The following NUCKS1 variants were observed in gnomAD, a reference collection of about 807,000 sequenced individuals.
NUCKS1 encodes nuclear casein kinase and cyclin dependent kinase substrate 1, also known as nuclear ubiquitous casein and cyclin-dependent kinase substrate 1.
A neutral mutation model predicts 33.0 loss-of-function variants in NUCKS1; 2 were observed. The ratio of observed to expected loss-of-function variants is 0.06; its 90% CI spans 0.02 to 0.19. The LOEUF is 0.19. Ranked by LOEUF, NUCKS1 falls within the 10% of genes least tolerant of loss-of-function variation. NUCKS1 has a pLI of 1.00. For synonymous variants in NUCKS1, 106 were observed against 102.8 expected (o/e 1.03, Z -0.19); for missense variants, 201 against 293.6 (o/e 0.68, Z 2.31).
At position 205,717,876 on chromosome 1, in the gene NUCKS1, A is replaced by AT. The variant is rs1168300132; in HGVS notation, c.*403dup. Reference sequence around the variant, plus strand: ...TTTTTTGATTACTATTCAACTTGCTATTTTTTAGCAAAAAGCGAAGTTTCA... The same window carrying AT: ...TTTTTTGATTACTATTCAACTTGCTATTTTTTTAGCAAAAAGCGAAGTTTCA... On this transcript the variant is annotated 3_prime_UTR_variant, in exon 7 of 7. Coordinates refer to ENST00000367142, the MANE Select transcript of NUCKS1 (RefSeq NM_022731.5). 6.1e-6 allele frequency: 6 copies of AT among 987,276 alleles called. No individual in the cohort carries two copies. Among genetic ancestry groups the AT allele is most frequent in the Admixed American group, 6.1e-5 (1 of 16,344 alleles). The allele number at this position is 987,276 out of a possible 1,614,324, so 61.2% of individuals were successfully genotyped here. A position where few individuals can be genotyped will look rare whatever the true frequency, so the allele number is the denominator to read the frequency against.
intron 4 of NUCKS1, among the ~76,000 whole-genome samples, chr1:205,722,379 C>A (rs1671935621): frequency 6.6e-6 from 1 of 152,216 alleles, no homozygotes; most frequent in South Asian, 2.1e-4. Context: ...GCCTCGGCCT[C>A]CCGAGTAGCT....
intron 2 of NUCKS1, 53 bp downstream of exon 2, chr1:205,729,519 G>A (rs1653857562): frequency 3.4e-6 from 4 of 1,187,462 alleles, no homozygotes; most frequent in Admixed American, 1.8e-5. Context: ...ATATAAGCTG[G>A]TAACCTCCAC....
In NUCKS1 at chr1:205,729,605, C is replaced by T; in HGVS notation, c.34G>A (p.Asp12Asn). 6.2e-7 allele frequency: 1 copy of T among 1,612,102 alleles called. No individual in the cohort carries two copies. The highest frequency in any genetic ancestry group is 2.2e-5 in the East Asian group (1 of 44,834). ...SRPVRNRKVV[D>N]YSQFQESDDA... ...TCAGATTCCTGAAACTGTGAGTAATCAACAACCTTCCTATTTCTGTAGAAA... is the reference window on the plus strand; with the variant it reads ...TCAGATTCCTGAAACTGTGAGTAATTAACAACCTTCCTATTTCTGTAGAAA... The change falls in exon 2 of 7, where the codon GAT (aspartate) becomes AAT (asparagine). Residue 12 changes from aspartate (D) to asparagine (N), a missense_variant. By Grantham distance (23) the Asp-to-Asn change is conservative. Coordinates refer to ENST00000367142, the MANE Select transcript of NUCKS1 (RefSeq NM_022731.5).
At chr1:205,721,933 C>T (rs1671925393) in intron 4 of NUCKS1, among the ~76,000 whole-genome samples, 2 of 152,076 alleles carry the variant, frequency 1.3e-5, no homozygotes, top group African/African-American at 2.4e-5. Flanking sequence ...CTTGGCCTCC[C>T]AAAGTGCTGG....
intron 1 of NUCKS1, among the ~76,000 whole-genome samples, chr1:205,738,590 T>G (rs945976467): frequency 1.3e-5 from 2 of 152,124 alleles, no homozygotes; most frequent in African/African-American, 4.8e-5. Flanking sequence ...CATGCTCGCT[T>G]TGGCAGCACA....
At chr1:205,738,037 A>AT (rs1193882011) in intron 1 of NUCKS1, among the ~76,000 whole-genome samples, 2 of 152,122 alleles carry the variant, frequency 1.3e-5, no homozygotes, top group African/African-American at 2.4e-5. Context: ...TCTTTTATTT[A>AT]TTTTTTGAGA....
At chr1:205,744,884 A>G (rs991640112) in intron 1 of NUCKS1, among the ~76,000 whole-genome samples, 1 of 152,076 alleles carries the variant, frequency 6.6e-6, no homozygotes, top group Non-Finnish European at 1.5e-5. Context: ...TGCCCGCCTC[A>G]GCCTCCCAAA....
Position 205,713,769 on chromosome 1 carries a change from A to C in NUCKS1, c.*4511T>G, listed in dbSNP as rs938273066. The C allele has an allele frequency of 2.0e-5, 3 of 152,264 alleles. No homozygotes were observed. The highest frequency in any genetic ancestry group is 7.2e-5 in the African/African-American group (3 of 41,466). The allele number at this position is 152,264 out of a possible 1,614,324, so 9.4% of individuals were successfully genotyped here. ...ATCATGTATCTAGCAACATTGCAGT[A>C]TGAAGAAAAGAGATGCCCCGGTCTC... On this transcript the variant is annotated 3_prime_UTR_variant, in exon 7 of 7. Coordinates refer to ENST00000367142, the MANE Select transcript of NUCKS1 (RefSeq NM_022731.5).
chr1:205,725,996 C>G (rs751910746), intron 3 of NUCKS1, among the ~76,000 whole-genome samples: 2 of 152,072 alleles, frequency 1.3e-5, no homozygotes, highest in Non-Finnish European at 2.9e-5. Flanking sequence ...GTCAGGAGTT[C>G]AAGACCAGCC....
Position 205,715,265 on chromosome 1 carries a change from T to A in NUCKS1, c.*3015A>T, listed in dbSNP as rs940259025. 6.6e-6 allele frequency: 1 copy of A among 152,232 alleles called. No individual in the cohort carries two copies. Among genetic ancestry groups the A allele is most frequent in the Non-Finnish European group, 1.5e-5 (1 of 68,042 alleles). 9.4% of individuals were successfully genotyped at this position (152,232 alleles called of 1,614,324 possible). ...GATTGAACTGGGGCAAACAGGTTAT[T>A]GTGAAAACAGTCAATATGTAAGCTC... On this transcript the variant is annotated 3_prime_UTR_variant, in exon 7 of 7. Transcript: ENST00000367142.
intron 1 of NUCKS1, among the ~76,000 whole-genome samples, chr1:205,731,898 A>G (rs1653922653): frequency 1.3e-5 from 2 of 151,340 alleles, no homozygotes; most frequent in South Asian, 4.2e-4. Flanking sequence ...TCCGTCTCAA[A>G]AAAAAAAAAA....
intron 4 of NUCKS1, among the ~76,000 whole-genome samples, chr1:205,722,477 G>C (rs1169189522): frequency 6.6e-6 from 1 of 152,060 alleles, no homozygotes; most frequent in Non-Finnish European, 1.5e-5. Context: ...GGCTGGTCTC[G>C]AACTCCTGAC....
chr1:205,720,033 G>A (rs1671893420), intron 5 of NUCKS1, among the ~76,000 whole-genome samples: 1 of 152,176 alleles, frequency 6.6e-6, no homozygotes. Context: ...TGAACTGACA[G>A]GGCCTTTTTG....
rs745306834 is a variant in NUCKS1 at position 205,729,652 on chromosome 1, A to C, written c.18-31T>G. Reference sequence around the variant, plus strand: ...GAAAGAAGAGACTCTAATTAAAATCATAAAACTGTAGGATTTTTCTAAGAC... The same window carrying C: ...GAAAGAAGAGACTCTAATTAAAATCCTAAAACTGTAGGATTTTTCTAAGAC... On this transcript the variant is annotated intron_variant, in intron 1 of 6. Transcript: ENST00000367142. 8.0e-6 allele frequency: 12 copies of C among 1,494,288 alleles called. No homozygotes were observed. In the East Asian group the frequency reaches 2.3e-4, roughly 28 times the overall value. 92.6% of individuals were successfully genotyped at this position (1,494,288 alleles called of 1,614,324 possible).
At chr1:205,729,507 C>T in intron 2 of NUCKS1, 65 bp downstream of exon 2, 3 of 1,041,784 alleles carry the variant, frequency 2.9e-6, no homozygotes, top group Non-Finnish European at 4.5e-6. Context: ...CATAATAAAA[C>T]TATATAAGCT....
chr1:205,749,685 G>C (rs1654434311), intron 1 of NUCKS1, among the ~76,000 whole-genome samples: 1 of 151,844 alleles, frequency 6.6e-6, no homozygotes, highest in Non-Finnish European at 1.5e-5. Context: ...GGGACACCCC[G>C]CCCGCTCTAG....
chr1:205,722,539 G>A (rs539790910), intron 4 of NUCKS1, among the ~76,000 whole-genome samples: 16 of 152,314 alleles, frequency 1.1e-4, no homozygotes, highest in African/African-American at 3.1e-4. Flanking sequence ...TTACAGGCAT[G>A]AGCCACCGGG....
chr1:205,748,628 T>C (rs1335535824), intron 1 of NUCKS1, among the ~76,000 whole-genome samples: 2 of 152,286 alleles, frequency 1.3e-5, no homozygotes, highest in East Asian at 3.9e-4. Flanking sequence ...CCACCCCGTG[T>C]GTAGGAGTAC....
chr1:205,727,492 T>C (rs1220327851), intron 3 of NUCKS1, among the ~76,000 whole-genome samples: 1 of 152,238 alleles, frequency 6.6e-6, no homozygotes, highest in Non-Finnish European at 1.5e-5. Flanking sequence ...TTTTTTGTTA[T>C]CACTACAATG....
Sources: gnomAD v4.1 joint callset for allele counts (sites outside exome capture counted in the v4.1 genomes callset) on GRCh38, gnomAD v4.1.1 for gene constraint, MANE v1.5 for transcripts, NCBI Gene and HGNC (gene_info 2026-07-23, HGNC 2026-07-21) for gene names.